The following PPFIA1 variants were observed in gnomAD, a reference collection of about 807,000 sequenced individuals.
The protein encoded by PPFIA1 is liprin-alpha-1.
A neutral mutation model predicts 149.9 loss-of-function variants in PPFIA1; 25 were observed. The ratio of observed to expected loss-of-function variants is 0.17; its 90% confidence interval spans 0.12 to 0.23. The LOEUF (loss-of-function observed/expected upper bound fraction) is 0.23, where lower values mean the gene tolerates loss of function less well. PPFIA1 is among the 10% of genes least tolerant of loss of function. The probability of loss-of-function intolerance (pLI) is 1.00; values close to 1 mark genes in which losing one functional copy is unlikely to be tolerated. For synonymous variants in PPFIA1, 549 were observed against 552.8 expected (o/e 0.99, Z 0.10); for missense variants, 1,362 against 1,506.5 (o/e 0.90, Z 1.59).
At position 70,318,898 on chromosome 11, in the gene PPFIA1, A is replaced by G. The variant is rs79504933; in HGVS notation, c.265-5504A>G. Among the ~76,000 whole-genome samples, 289 of 152,258 alleles carry G rather than the reference A, an allele frequency of 1.9e-3. 1 individual carries two copies. The East Asian group carries it at 0.043, about 23-fold the overall frequency. On this transcript the variant is annotated intron_variant, in intron 2 of 27. Transcript: ENST00000253925. ...TAGCCTCTTTTGCTGATGCCCCTCAATGAGACTGTTGGGGGCTTGATCCCC... is the reference window on the plus strand; with the variant it reads ...TAGCCTCTTTTGCTGATGCCCCTCAGTGAGACTGTTGGGGGCTTGATCCCC...
intron 2 of PPFIA1, among the ~76,000 whole-genome samples, chr11:70,276,896 A>G (rs1011419111): frequency 1.3e-5 from 2 of 151,138 alleles, no homozygotes; most frequent in East Asian, 1.9e-4. Context: ...TTATCTCTTA[A>G]TCAGTCTTGT....
intron 10 of PPFIA1, among the ~76,000 whole-genome samples, chr11:70,334,977 A>G (rs2054884066): frequency 6.6e-6 from 1 of 152,242 alleles, no homozygotes; most frequent in South Asian, 2.1e-4. Flanking sequence ...GGTTTTATAA[A>G]ATAATAGACA....
intron 19 of PPFIA1, among the ~76,000 whole-genome samples, chr11:70,361,101 A>G (rs944644151): frequency 6.6e-6 from 1 of 152,220 alleles, no homozygotes; most frequent in African/African-American, 2.4e-5. Flanking sequence ...AGAGAGTCAG[A>G]GGGAGTCATT....
At chr11:70,361,973 C>G (rs1343427866) in intron 19 of PPFIA1, 122 bp from the exon 20 acceptor site, 1 of 841,450 alleles carries the variant, frequency 1.2e-6, no homozygotes, top group Non-Finnish European at 1.9e-6. Context: ...GTTGTCTAGG[C>G]TGGTCTTGAA....
At chr11:70,277,791 A>G (rs568029107) in intron 2 of PPFIA1, among the ~76,000 whole-genome samples, 6 of 151,496 alleles carry the variant, frequency 4.0e-5, no homozygotes, top group Admixed American at 2.0e-4. Flanking sequence ...CGCCCAGCCT[A>G]TATTTCTTTT....
intron 2 of PPFIA1, among the ~76,000 whole-genome samples, chr11:70,276,892 C>CT (rs1296880431): frequency 2.0e-5 from 3 of 151,264 alleles, no homozygotes; most frequent in African/African-American, 7.3e-5. Context: ...TATATTATCT[C>CT]TTAATCAGTC....
Position 70,338,416 on chromosome 11 carries a change from G to C in PPFIA1, c.1534G>C (p.Asp512His). Residue 512 changes from aspartate to histidine, a missense_variant, in exon 13 of 28, where the codon GAC becomes CAC. This residue lies in a region of PPFIA1 where 733 missense variants were observed against 744.1 expected (regional missense o/e 0.99). Transcript: ENST00000253925. ...LNIEALRAEL[D>H]HMRLRGASLH... ...CATTGAAGCACTGAGGGCTGAACTA[G>C]ACCACATGAGACTAAGAGGTGCTTC... 1 of 1,613,452 alleles carries C rather than the reference G, an allele frequency of 6.2e-7. No individual in the cohort carries two copies. The highest frequency in any genetic ancestry group is 8.5e-7 in the Non-Finnish European group (1 of 1,179,404).
chr11:70,307,857 T>A (rs1450293144), intron 2 of PPFIA1, among the ~76,000 whole-genome samples: 1 of 152,168 alleles, frequency 6.6e-6, no homozygotes, highest in Non-Finnish European at 1.5e-5. Context: ...GTATGGGTGT[T>A]CAGGGCTCCA....
At chr11:70,294,760 C>T (rs1055661291) in intron 2 of PPFIA1, among the ~76,000 whole-genome samples, 3 of 151,644 alleles carry the variant, frequency 2.0e-5, no homozygotes, top group South Asian at 2.1e-4. Context: ...TGACTCTTAA[C>T]GAGCATGCTG....
intron 14 of PPFIA1, among the ~76,000 whole-genome samples, chr11:70,342,665 T>G (rs75752921): frequency 7.2e-5 from 11 of 152,166 alleles, no homozygotes; most frequent in African/African-American, 2.4e-4. Flanking sequence ...AAAACACTTA[T>G]GAAATTTACG....
At chr11:70,326,157 T>C (rs747065375) in intron 5 of PPFIA1, 105 bp from the exon 6 acceptor site, 1 of 664,642 alleles carries the variant, frequency 1.5e-6, no homozygotes. Context: ...TTTTATACTA[T>C]GTTAAGCAGT....
chr11:70,359,738 A>G (rs1377248230), intron 19 of PPFIA1, among the ~76,000 whole-genome samples: 1 of 152,254 alleles, frequency 6.6e-6, no homozygotes, highest in Non-Finnish European at 1.5e-5. Flanking sequence ...TATAAAATGC[A>G]CAACATTATT....
chr11:70,310,662 G>A (rs1200997165), intron 2 of PPFIA1, among the ~76,000 whole-genome samples: 1 of 152,136 alleles, frequency 6.6e-6, no homozygotes, highest in African/African-American at 2.4e-5. Context: ...GGGATTACAG[G>A]CGTGAGCCAC....
chr11:70,317,905 C>T (rs1339506546), intron 2 of PPFIA1, among the ~76,000 whole-genome samples: 1 of 152,154 alleles, frequency 6.6e-6, no homozygotes, highest in East Asian at 1.9e-4. Flanking sequence ...TCATAATAGA[C>T]TTTTAAAAAT....
chr11:70,337,421 C>T lies in PPFIA1; in HGVS notation c.1485C>T (p.His495=), dbSNP rs199853206. 3.1e-4 allele frequency: 488 copies of T among 1,590,368 alleles called. 1 individual carries two copies. In the Middle Eastern group the frequency reaches 8.2e-3, roughly 27 times the overall value. Residue 495 remains histidine, a synonymous_variant, in exon 12 of 28, where the codon CAC becomes CAT. Coordinates refer to ENST00000253925, the MANE Select transcript of PPFIA1 (RefSeq NM_003626.5). ...SAKKQLEETQ[H]DKDQLVLNIE... is the part of the protein sequence containing the mutation. ...AAAAGCAGTTAGAAGAAACACAACA[C>T]GATAAGGTACTGAAATCTTCTCTAA...
At chr11:70,333,678 C>T (rs978257571) in intron 10 of PPFIA1, 125 bp downstream of exon 10, 12 of 756,214 alleles carry the variant, frequency 1.6e-5, no homozygotes, top group East Asian at 1.1e-4. Context: ...GTTCTGGTCG[C>T]GTGCATTTGT....
chr11:70,293,069 A>G (rs1252537538), intron 2 of PPFIA1, among the ~76,000 whole-genome samples: 3 of 152,226 alleles, frequency 2.0e-5, no homozygotes, highest in Non-Finnish European at 1.5e-5. Flanking sequence ...GCCTGGTGCT[A>G]TTCTGTCCCC....
chr11:70,369,353 T>G (rs1470374025), intron 21 of PPFIA1, among the ~76,000 whole-genome samples: 1 of 152,218 alleles, frequency 6.6e-6, no homozygotes, highest in African/African-American at 2.4e-5. Flanking sequence ...TCATGATATC[T>G]TATTGTTTTA....
chr11:70,322,134 C>T (rs1199372001), intron 2 of PPFIA1, among the ~76,000 whole-genome samples: 1 of 152,198 alleles, frequency 6.6e-6, no homozygotes, highest in East Asian at 1.9e-4. Flanking sequence ...CTGCCTCGGC[C>T]TCCCAAACTG....
Sources: allele counts gnomAD v4.1 joint callset (sites outside exome capture counted in the v4.1 genomes callset), GRCh38; gene constraint gnomAD v4.1.1; regional missense constraint gnomAD v4.1.1; transcripts MANE v1.5; gene names NCBI Gene and HGNC (gene_info 2026-07-23, HGNC 2026-07-21).